Variants in P3H2 observed in about 807,000 individuals in gnomAD.
P3H2 encodes the protein leprecan-like 1.
A neutral mutation model predicts 87.0 loss-of-function variants in P3H2; 80 were observed. The ratio of observed to expected loss-of-function variants is 0.92; its 90% CI spans 0.77 to 1.11. P3H2 has a LOEUF of 1.11. P3H2 is among the 50% of genes least tolerant of loss of function. P3H2 has a pLI of 0.00. For synonymous variants in P3H2, 367 were observed against 359.3 expected (o/e 1.02, Z -0.24); for missense variants, 1,001 against 923.9 (o/e 1.08, Z -1.08).
intron 1 of P3H2, among the ~76,000 whole-genome samples, chr3:190,119,530 T>C (rs989956676): frequency 2.0e-5 from 3 of 152,098 alleles, no homozygotes; most frequent in Non-Finnish European, 4.4e-5. Flanking sequence ...AAGTTAGGCA[T>C]ACAAAAATAA....
chr3:190,120,681 T>TAGCAGCGGCAGCAGCAGC lies in P3H2; in HGVS notation c.33_50dup (p.Leu13_Leu18dup), dbSNP rs747386020. The TAGCAGCGGCAGCAGCAGC allele has an allele frequency of 1.1e-5, 16 of 1,522,248 alleles. No homozygotes were observed. The East Asian group carries it at 2.3e-4, about 22-fold the overall frequency. The allele number at this position is 1,522,248 out of a possible 1,614,324, so 94.3% of individuals were successfully genotyped here. A position where few individuals can be genotyped will look rare whatever the true frequency, so the allele number is the denominator to read the frequency against. On this transcript the variant is annotated inframe_insertion, in exon 1 of 15. Transcript: ENST00000319332. ...GGCCGCCCCACAGTGGCGGCGGCAG[T>TAGCAGCGGCAGCAGCAGC]AGCAGCGGCAGCAGCAGCAGCAGCG... is the stretch of plus-strand genomic sequence containing the variant.
intron 1 of P3H2, among the ~76,000 whole-genome samples, chr3:190,012,241 T>TGTGTGTGTGTGTG (rs747107541): frequency 2.5e-5 from 3 of 122,412 alleles, no homozygotes; most frequent in African/African-American, 6.0e-5. Flanking sequence ...TGTGTGTGTG[T>TGTGTGTGTGTGTG]AGTGGGGGGC....
intron 1 of P3H2, among the ~76,000 whole-genome samples, chr3:190,023,352 A>G (rs1053434945): frequency 1.3e-5 from 2 of 152,204 alleles, no homozygotes; most frequent in African/African-American, 4.8e-5. Flanking sequence ...AGAACTGCCC[A>G]AGACTGGGTA....
At chr3:190,099,617 C>G (rs1711550005) in intron 1 of P3H2, among the ~76,000 whole-genome samples, 1 of 152,098 alleles carries the variant, frequency 6.6e-6, no homozygotes, top group Admixed American at 6.5e-5. Context: ...AAGAATGATA[C>G]AGAACTGACC....
At chr3:190,075,140 T>C (rs899379589) in intron 1 of P3H2, among the ~76,000 whole-genome samples, 2 of 152,146 alleles carry the variant, frequency 1.3e-5, no homozygotes, top group African/African-American at 4.8e-5. Flanking sequence ...CATAGTCTAG[T>C]AGTGAAGAAA....
At position 189,964,043 on chromosome 3, in the gene P3H2, T is replaced by G. The variant is rs201191537; in HGVS notation, c.1949A>C (p.Asn650Thr). ...RMISFSSGGE[N>T]PHGVKAVTKG... ...GGTGACTGCCTTCACCCCATGAGGGTTCTCTCCTCCAGATGAGAAGCTGAT... is the reference window on the plus strand; with the variant it reads ...GGTGACTGCCTTCACCCCATGAGGGGTCTCTCCTCCAGATGAGAAGCTGAT... Residue 650 changes from asparagine to threonine, a missense_variant, in exon 14 of 15, where the codon AAC becomes ACC. By Grantham distance (65) the Asn-to-Thr change is moderately conservative. Transcript: ENST00000319332. 6.2e-7 allele frequency: 1 copy of G among 1,614,094 alleles called. No homozygotes were observed. Among genetic ancestry groups the G allele is most frequent in the African/African-American group, 1.3e-5 (1 of 75,018 alleles).
chr3:190,017,685 G>C (rs1172899115), intron 1 of P3H2, among the ~76,000 whole-genome samples: 8 of 152,166 alleles, frequency 5.3e-5, no homozygotes, highest in Non-Finnish European at 1.0e-4. Context: ...TATGGCTGAT[G>C]CTGCAGCCCT....
intron 1 of P3H2, among the ~76,000 whole-genome samples, chr3:190,025,591 C>G (rs1470912153): frequency 1.3e-5 from 2 of 152,150 alleles, no homozygotes; most frequent in Non-Finnish European, 2.9e-5. Context: ...ACTTAGAACT[C>G]TCCTTTGCAT....
chr3:190,102,239 T>A (rs560855372), intron 1 of P3H2, among the ~76,000 whole-genome samples: 1 of 152,318 alleles, frequency 6.6e-6, no homozygotes, highest in East Asian at 1.9e-4. Context: ...GATTTTCAAG[T>A]CTTATTATTT....
At chr3:190,069,959 T>G (rs551221308) in intron 1 of P3H2, among the ~76,000 whole-genome samples, 1 of 151,986 alleles carries the variant, frequency 6.6e-6, no homozygotes, top group Non-Finnish European at 1.5e-5. Context: ...AGTTTTTTTT[T>G]TTTTTCTTCT....
At chr3:190,064,874 A>C (rs1449820533) in intron 1 of P3H2, among the ~76,000 whole-genome samples, 1 of 152,108 alleles carries the variant, frequency 6.6e-6, no homozygotes, top group Non-Finnish European at 1.5e-5. Context: ...CAGTCTTCTG[A>C]TATACAACAA....
chr3:190,007,188 T>C (rs1456865057), intron 1 of P3H2, among the ~76,000 whole-genome samples: 1 of 152,128 alleles, frequency 6.6e-6, no homozygotes, highest in East Asian at 1.9e-4. Context: ...CTGGTTGTTG[T>C]AGGACTAAGT....
chr3:190,013,575 C>A (rs1024461684), intron 1 of P3H2, among the ~76,000 whole-genome samples: 1 of 152,112 alleles, frequency 6.6e-6, no homozygotes, highest in African/African-American at 2.4e-5. Context: ...AAGGGTGAGA[C>A]ATGTAAGAAG....
At position 189,979,031 on chromosome 3, in the gene P3H2, G is replaced by A. The variant is rs150055013; in HGVS notation, c.1324+4015C>T. ...GTACTCACTGTCTGGCTCATGGCAA[G>A]AAGAATCACTTTATCAGAAATTCGA... On this transcript the variant is annotated intron_variant, in intron 8 of 14. Transcript: ENST00000319332. Among the ~76,000 whole-genome samples the A allele has an allele frequency of 4.1e-4, 62 of 152,252 alleles. 1 individual carries two copies. The highest frequency in any genetic ancestry group is 1.5e-3 in the African/African-American group (61 of 41,554).
rs1314597019 is a variant in P3H2, at chr3:190,120,505, C to T, written c.227G>A (p.Arg76His). The change falls in exon 1 of 15, where the codon CGC becomes CAC. Residue 76 changes from arginine to histidine, a missense_variant. By Grantham distance (29) the Arg-to-His change is conservative. Transcript: ENST00000319332. ...ACAGCGCGTGCGGATTTCCCGCAGG[C>T]GCCGGTGGCTGCGCAGCGCCGCTTC... ...DLEAALRSHR[R>H]LREIRTRCAR... The T allele has an allele frequency of 4.1e-6, 6 of 1,467,728 alleles. No individual in the cohort carries two copies. The highest frequency in any genetic ancestry group is 1.3e-5 in the South Asian group (1 of 75,738). The allele number at this position is 1,467,728 out of a possible 1,614,324, so 90.9% of individuals were successfully genotyped here. A position where few individuals can be genotyped will look rare whatever the true frequency, so the allele number is the denominator to read the frequency against.
intron 2 of P3H2, among the ~76,000 whole-genome samples, chr3:189,995,061 T>C (rs914592023): frequency 1.3e-5 from 2 of 152,052 alleles, no homozygotes; most frequent in Admixed American, 6.6e-5. Context: ...AAATTTTTAA[T>C]TTTTTAGTTT....
chr3:190,002,086 C>T (rs1040614468), intron 1 of P3H2, among the ~76,000 whole-genome samples: 1 of 152,016 alleles, frequency 6.6e-6, no homozygotes, highest in Admixed American at 6.5e-5. Flanking sequence ...TTCTATATAG[C>T]AGAGTCAGAT....
chr3:189,966,174 A>G (rs1414325865), intron 13 of P3H2, among the ~76,000 whole-genome samples: 1 of 148,684 alleles, frequency 6.7e-6, no homozygotes, highest in African/African-American at 2.5e-5. Context: ...AAAGAAAGAA[A>G]GAAAGAAAGA....
chr3:189,987,151 A>G (rs1723725831), intron 5 of P3H2, among the ~76,000 whole-genome samples: 1 of 152,196 alleles, frequency 6.6e-6, no homozygotes, highest in Admixed American at 6.5e-5. Flanking sequence ...TATTTTTATC[A>G]ACTCTCCCCC....
Sources: gnomAD v4.1 joint callset for allele counts (sites outside exome capture counted in the v4.1 genomes callset) on GRCh38, gnomAD v4.1.1 for gene constraint, MANE v1.5 for transcripts, NCBI Gene and HGNC (gene_info 2026-07-23, HGNC 2026-07-21) for gene names.